Variants in TRABD2B observed in about 807,000 individuals in gnomAD.
TRABD2B encodes TraB domain containing 2B, also known as metalloprotease TIKI2.
Under a neutral mutation model 40.1 loss-of-function variants are expected in TRABD2B, and 14 were observed. The ratio of observed to expected loss-of-function variants is 0.35; its 90% CI spans 0.23 to 0.55. The LOEUF (loss-of-function observed/expected upper bound fraction) is 0.55. Ranked by LOEUF, TRABD2B falls within the 20% of genes least tolerant of loss-of-function variation. The pLI is 0.90. For synonymous variants in TRABD2B, 263 were observed against 277.0 expected, an observed-to-expected ratio of 0.95 and a Z score of 0.50; for missense variants, 541 against 648.6, an observed-to-expected ratio of 0.83 and a Z score of 1.80.
intron 6 of TRABD2B, among the ~76,000 whole-genome samples, chr1:47,774,934 A>G (rs935308012): frequency 1.3e-5 from 2 of 152,258 alleles, no homozygotes; most frequent in African/African-American, 4.8e-5. Flanking sequence ...GTGCCTGAAG[A>G]AAGCTTCTAT....
At chr1:47,939,976 C>G (rs1267150231) in intron 2 of TRABD2B, among the ~76,000 whole-genome samples, 1 of 152,172 alleles carries the variant, frequency 6.6e-6, no homozygotes, top group Non-Finnish European at 1.5e-5. Context: ...TCCCAATGCC[C>G]CAGGAAACAC....
intron 2 of TRABD2B, among the ~76,000 whole-genome samples, chr1:47,873,322 G>A (rs1644171917): frequency 6.6e-6 from 1 of 152,166 alleles, no homozygotes; most frequent in South Asian, 2.1e-4. Flanking sequence ...GCTGGTGTGT[G>A]GCTCACCCAA....
In TRABD2B at chr1:47,834,216, A is replaced by T. The variant is rs146374111; in HGVS notation, c.667-32597T>A. Among the ~76,000 whole-genome samples the T allele has an allele frequency of 5.9e-3, 899 of 152,330 alleles. 6 individuals are homozygous for T. The highest frequency in any genetic ancestry group is 0.02 in the South Asian group (97 of 4,828). ...GCTTTGTGCTAACAGCATTTTCCCC[A>T]GGGGCGTTTGTTGCAGACAATCAGA... On this transcript the variant is annotated intron_variant, in intron 2 of 6. Coordinates refer to ENST00000606738, the MANE Select transcript of TRABD2B (RefSeq NM_001194986.2).
chr1:47,850,879 T>C (rs1230280002), intron 2 of TRABD2B, among the ~76,000 whole-genome samples: 1 of 152,232 alleles, frequency 6.6e-6, no homozygotes, highest in Non-Finnish European at 1.5e-5. Flanking sequence ...GATTAAATTG[T>C]TCCACTTCAG....
intron 2 of TRABD2B, among the ~76,000 whole-genome samples, chr1:47,925,379 T>A (rs1038807440): frequency 4.6e-5 from 7 of 152,248 alleles, no homozygotes; most frequent in South Asian, 2.1e-4. Context: ...AGATTTTTTT[T>A]ATTTTATACT....
At chr1:47,959,056 A>G (rs1444755628) in intron 2 of TRABD2B, among the ~76,000 whole-genome samples, 1 of 152,078 alleles carries the variant, frequency 6.6e-6, no homozygotes, top group Admixed American at 6.6e-5. Flanking sequence ...GGATTAAAAA[A>G]CTCACTCAAA....
intron 2 of TRABD2B, among the ~76,000 whole-genome samples, chr1:47,923,865 A>T (rs1644934311): frequency 1.3e-5 from 2 of 151,116 alleles, no homozygotes; most frequent in South Asian, 4.2e-4. Flanking sequence ...CTTGTAAGCC[A>T]ATTCCATAAA....
intron 2 of TRABD2B, among the ~76,000 whole-genome samples, chr1:47,873,118 AC>A (rs747178809): frequency 6.6e-6 from 1 of 152,154 alleles, no homozygotes; most frequent in East Asian, 1.9e-4. Context: ...TTAATCATTA[AC>A]AAAATTAATC....
intron 2 of TRABD2B, among the ~76,000 whole-genome samples, chr1:47,892,824 GACC>G (rs1419776069): frequency 6.6e-6 from 1 of 152,208 alleles, no homozygotes; most frequent in Admixed American, 6.5e-5. Flanking sequence ...AATTCAGGTT[GACC>G]ATGTGGCTCT....
chr1:47,790,129 T>A (rs1644651248), intron 4 of TRABD2B, among the ~76,000 whole-genome samples: 6 of 152,352 alleles, frequency 3.9e-5, no homozygotes, highest in Middle Eastern at 3.4e-3. Flanking sequence ...GTAAATTGAA[T>A]AAATTTAGCT....
chr1:47,810,396 G>A (rs1644948728), intron 2 of TRABD2B, among the ~76,000 whole-genome samples: 1 of 152,024 alleles, frequency 6.6e-6, no homozygotes, highest in African/African-American at 2.4e-5. Context: ...TAGATAAGAT[G>A]TCCAGGTAAG....
chr1:47,802,764 G>A (rs747951217), intron 2 of TRABD2B, among the ~76,000 whole-genome samples: 6 of 151,986 alleles, frequency 3.9e-5, no homozygotes, highest in Non-Finnish European at 7.4e-5. Flanking sequence ...CCCATCTCCG[G>A]GCACACCCCC....
chr1:47,990,349 C>T (rs970775114), intron 2 of TRABD2B, among the ~76,000 whole-genome samples: 3 of 152,160 alleles, frequency 2.0e-5, no homozygotes, highest in Admixed American at 1.3e-4. Flanking sequence ...CGGTACCAGT[C>T]CCTGGTGGCA....
chr1:47,812,386 T>C (rs116176978), intron 2 of TRABD2B, among the ~76,000 whole-genome samples: 3,639 of 152,232 alleles, frequency 0.024, 174 homozygotes, highest in African/African-American at 0.083. Context: ...GGTGAGGGAA[T>C]CACAGGCTTC....
chr1:47,875,823 G>T (rs903550174), intron 2 of TRABD2B, among the ~76,000 whole-genome samples: 6 of 151,432 alleles, frequency 4.0e-5, no homozygotes, highest in African/African-American at 1.5e-4. Context: ...TCTGATCCTG[G>T]CCCCCAGGTG....
intron 2 of TRABD2B, among the ~76,000 whole-genome samples, chr1:47,880,874 C>G (rs945793635): frequency 1.3e-5 from 2 of 152,162 alleles, no homozygotes. Flanking sequence ...GCTTTTTTTC[C>G]TCAATTGCTG....
At chr1:47,850,165 T>A (rs1046065871) in intron 2 of TRABD2B, among the ~76,000 whole-genome samples, 3 of 152,200 alleles carry the variant, frequency 2.0e-5, no homozygotes, top group Admixed American at 6.5e-5. Flanking sequence ...TTTCCCCTAG[T>A]CACAAGTCCT....
Position 47,994,023 on chromosome 1 carries a change from T to C in TRABD2B, c.666+11A>G, listed in dbSNP as rs1443070406. The C allele has an allele frequency of 1.3e-6, 2 of 1,531,462 alleles. No homozygotes were observed. Among genetic ancestry groups the C allele is most frequent in the Non-Finnish European group, 8.7e-7 (1 of 1,143,534 alleles). 94.9% of individuals were successfully genotyped at this position (1,531,462 alleles called of 1,614,324 possible). Reference sequence around the variant, plus strand: ...GGCTGTCAGCTCCGGGCTGGGGCACTGCATGCCTACCTGGGAGAAGTTGAG... The same window carrying C: ...GGCTGTCAGCTCCGGGCTGGGGCACCGCATGCCTACCTGGGAGAAGTTGAG... On this transcript the variant is annotated intron_variant, in intron 2 of 6. Transcript: ENST00000606738. This position sits in a 1 kb window ranked among gnomAD's most constrained non-coding sequence, Gnocchi z 6.7.
rs538945237 is a variant in TRABD2B at position 47,848,699 on chromosome 1, A to T, written c.667-47080T>A. Among the ~76,000 whole-genome samples the T allele has an allele frequency of 1.6e-4, 24 of 152,308 alleles. No homozygotes were observed. The South Asian group carries it at 5.0e-3, about 32-fold the overall frequency. On this transcript the variant is annotated intron_variant, in intron 2 of 6. Transcript: ENST00000606738. ...GGGTTAGTAACCTGGAAGGGCAGGG[A>T]AAGTTTGTCCAGGTCACCAGACCCC...
Sources: allele counts gnomAD v4.1 joint callset (sites outside exome capture counted in the v4.1 genomes callset), GRCh38; gene constraint gnomAD v4.1.1; non-coding constraint Gnocchi (gnomAD v3.1); transcripts MANE v1.5; gene names NCBI Gene and HGNC (gene_info 2026-07-23, HGNC 2026-07-21).